VPS53: variants seen among roughly 807,000 people sequenced by gnomAD.
VPS53 encodes the protein vacuolar protein sorting-associated protein 53 homolog.
In VPS53, 70 loss-of-function variants were observed where a neutral mutation model predicts 107.0. The observed-to-expected ratio is 0.65, with a 90% CI of 0.54 to 0.80. The LOEUF (loss-of-function observed/expected upper bound fraction) is 0.80, where lower values mean the gene tolerates loss of function less well. Ranked by LOEUF, VPS53 falls within the 30% of genes least tolerant of loss-of-function variation. VPS53 has a pLI of 0.00. For synonymous variants in VPS53, 409 were observed against 393.3 expected, an observed-to-expected ratio of 1.04 and a Z score of -0.47; for missense variants, 917 against 1,049.4, an observed-to-expected ratio of 0.87 and a Z score of 1.74.
intron 4 of VPS53, among the ~76,000 whole-genome samples, chr17:689,324 C>G (rs1396479994): frequency 6.6e-6 from 1 of 152,102 alleles, no homozygotes; most frequent in Non-Finnish European, 1.5e-5. Context: ...GTTCTTTTCA[C>G]TTGAGACAGG....
chr17:663,197 G>C (rs1297610720), intron 4 of VPS53, among the ~76,000 whole-genome samples: 3 of 152,098 alleles, frequency 2.0e-5, no homozygotes, highest in African/African-American at 7.2e-5. Flanking sequence ...GCGAGATCTT[G>C]TCTCAAAAAA....
chr17:677,720 C>T (rs1417782200), intron 4 of VPS53, among the ~76,000 whole-genome samples: 1 of 151,942 alleles, frequency 6.6e-6, no homozygotes, highest in East Asian at 1.9e-4. Context: ...CTCACTAATG[C>T]TGTTAAAATA....
intron 13 of VPS53, among the ~76,000 whole-genome samples, chr17:576,300 T>C (rs1914605417): frequency 6.6e-6 from 1 of 151,556 alleles, no homozygotes; most frequent in Admixed American, 6.6e-5. Flanking sequence ...AGAACCTCAA[T>C]GCATTCCCAA....
intron 13 of VPS53, among the ~76,000 whole-genome samples, chr17:577,589 T>C (rs1402996545): frequency 5.3e-5 from 8 of 149,934 alleles, no homozygotes. Flanking sequence ...CAGAACCTAA[T>C]GCATTCCCAA....
intron 4 of VPS53, among the ~76,000 whole-genome samples, chr17:683,993 TGAG>T (rs1341961502): frequency 6.6e-6 from 1 of 152,108 alleles, no homozygotes; most frequent in Non-Finnish European, 1.5e-5. Context: ...AGAGAGGATG[TGAG>T]GAAGAGGTCA....
intron 5 of VPS53, among the ~76,000 whole-genome samples, chr17:661,090 C>T (rs190511133): frequency 7.2e-5 from 11 of 152,202 alleles, no homozygotes; most frequent in South Asian, 2.1e-4. Flanking sequence ...TCCCTCCTCC[C>T]GGCTCCAGGA....
chr17:703,987 T>C (rs1053782546), intron 2 of VPS53, among the ~76,000 whole-genome samples: 1 of 151,234 alleles, frequency 6.6e-6, no homozygotes, highest in Non-Finnish European at 1.5e-5. Context: ...GGATCTTGGG[T>C]TTTTTTTTCT....
At chr17:584,292 G>T (rs933850546) in intron 13 of VPS53, among the ~76,000 whole-genome samples, 1 of 152,160 alleles carries the variant, frequency 6.6e-6, no homozygotes, top group African/African-American at 2.4e-5. Flanking sequence ...ACGTGGAAGG[G>T]CTTGGCTGCG....
intron 11 of VPS53, among the ~76,000 whole-genome samples, chr17:613,336 TCA>T (rs1178726266): frequency 6.6e-6 from 1 of 150,742 alleles, no homozygotes; most frequent in Non-Finnish European, 1.5e-5. Context: ...GTACAAATAT[TCA>T]CATAGTGAGT....
chr17:605,812 C>G (rs568962299), intron 11 of VPS53, among the ~76,000 whole-genome samples: 1 of 150,840 alleles, frequency 6.6e-6, no homozygotes, highest in South Asian at 2.1e-4. Context: ...AGATGGGGGC[C>G]TGGGGTAAGA....
Position 664,778 on chromosome 17 carries a change from G to A in VPS53, c.286-2883C>T, listed in dbSNP as rs57271774. 1.0e-2 allele frequency among the ~76,000 whole-genome samples: 1,519 copies of A among 152,296 alleles called. 26 individuals carry two copies. The highest frequency in any genetic ancestry group is 0.034 in the African/African-American group (1,416 of 41,560). ...AGGCAGCCGGTGCTGACGGGAAGACGCCGAGCGATTCAGGGTTTCCAGGAA... is the reference window on the plus strand; with the variant it reads ...AGGCAGCCGGTGCTGACGGGAAGACACCGAGCGATTCAGGGTTTCCAGGAA... On this transcript the variant is annotated intron_variant, in intron 4 of 21. Transcript: ENST00000437048.
intron 18 of VPS53, among the ~76,000 whole-genome samples, chr17:535,387 CGCCGGG>C (rs1567604551): frequency 1.5e-5 from 2 of 134,916 alleles, no homozygotes; most frequent in African/African-American, 5.0e-5. Context: ...AGCTGGGAGA[CGCCGGG>C]ACTGGCTAAG....
In VPS53 at chr17:589,663, G is replaced by A. The variant is rs545780013; in HGVS notation, c.1219-3299C>T. On this transcript the variant is annotated intron_variant, in intron 12 of 21. Coordinates refer to ENST00000437048, the MANE Select transcript of VPS53 (RefSeq NM_001128159.3). The stretch of plus-strand genomic sequence containing the variant: ...TCAGAAAACTTGGAAAATGGGTACA[G>A]TGGCCTGGTGGAAAATTCCAGAGAC... Among the ~76,000 whole-genome samples the A allele has an allele frequency of 3.9e-5, 6 of 152,298 alleles. No individual in the cohort carries two copies. The South Asian group carries it at 1.2e-3, about 32-fold the overall frequency.
At chr17:659,235 T>G (rs567948341) in intron 5 of VPS53, among the ~76,000 whole-genome samples, 33 of 152,316 alleles carry the variant, frequency 2.2e-4, no homozygotes, top group African/African-American at 7.2e-4. Flanking sequence ...TCTGTATCTC[T>G]TCCAGCGTTT....
At chr17:620,781 T>G (rs1969437149) in intron 11 of VPS53, among the ~76,000 whole-genome samples, 1 of 151,908 alleles carries the variant, frequency 6.6e-6, no homozygotes, top group Non-Finnish European at 1.5e-5. Context: ...TAATTTTTTG[T>G]ATTTTTAGTC....
chr17:655,743 G>A, intron 6 of VPS53, 95 bp downstream of exon 6: 2 of 1,185,982 alleles, frequency 1.7e-6, no homozygotes, highest in African/African-American at 3.1e-5. Flanking sequence ...AGGATGGTGA[G>A]ACTTTCCTGG....
intron 4 of VPS53, among the ~76,000 whole-genome samples, chr17:666,016 A>G (rs559048444): frequency 2.5e-4 from 38 of 152,312 alleles, no homozygotes; most frequent in Non-Finnish European, 4.1e-4. Flanking sequence ...ACCAAAAAAA[A>G]AGATAGCTTA....
intron 17 of VPS53, among the ~76,000 whole-genome samples, chr17:540,904 T>C (rs1910585664): frequency 6.6e-6 from 1 of 152,180 alleles, no homozygotes; most frequent in Non-Finnish European, 1.5e-5. Flanking sequence ...GTCAGCACTC[T>C]TTCTAGAGAG....
rs558603451 is a variant in VPS53 at position 662,885 on chromosome 17, G to T, written c.286-990C>A. Among the ~76,000 whole-genome samples the T allele has an allele frequency of 2.1e-5, 3 of 142,782 alleles. No individual in the cohort carries two copies. The East Asian group carries it at 6.3e-4, about 30-fold the overall frequency. 93.7% of individuals were successfully genotyped at this position (142,782 alleles called of 152,430 possible). A position where few individuals can be genotyped will look rare whatever the true frequency, so the allele number is the denominator to read the frequency against. ...AGGAAGGAAGGAACGAAGGAAGGAA[G>T]GAAGGAAGGCAGGCAGGCAGGCAGG... On this transcript the variant is annotated intron_variant, in intron 4 of 21. Coordinates refer to ENST00000437048, the MANE Select transcript of VPS53 (RefSeq NM_001128159.3).
Sources: gnomAD v4.1 joint callset for allele counts (sites outside exome capture counted in the v4.1 genomes callset) on GRCh38, gnomAD v4.1.1 for gene constraint, MANE v1.5 for transcripts, NCBI Gene and HGNC (gene_info 2026-07-23, HGNC 2026-07-21) for gene names.